WASF1: variants seen among roughly 807,000 people sequenced by gnomAD.
WASF1 encodes the protein actin-binding protein WASF1.
WASF1 carries 7 observed loss-of-function variants against 50.5 expected under a neutral mutation model. The observed-to-expected ratio is 0.14, with a 90% CI of 0.08 to 0.26. The LOEUF is 0.26. Ranked by LOEUF, WASF1 falls within the 10% of genes least tolerant of loss-of-function variation. The pLI is 1.00. For synonymous variants in WASF1, 205 were observed against 244.0 expected (o/e 0.84, Z 1.49); for missense variants, 470 against 694.7 (o/e 0.68, Z 3.64).
At chr6:110,160,767 A>G (rs898349386) in intron 2 of WASF1, 35 bp from the exon 3 acceptor site, 4 of 151,726 alleles carry the variant, frequency 2.6e-5, no homozygotes, top group African/African-American at 9.7e-5. Flanking sequence ...AATATCCAAC[A>G]TTTATTATTC....
rs113273530 is a variant in WASF1 at position 110,148,480 on chromosome 6, A to T, written c.-29+12155T>A. Among the ~76,000 whole-genome samples the T allele has an allele frequency of 3.6e-3, 541 of 152,310 alleles. 4 individuals carry two copies. Among genetic ancestry groups the T allele is most frequent in the African/African-American group, 0.013 (525 of 41,564 alleles). On this transcript the variant is annotated intron_variant, in intron 3 of 10. Coordinates refer to ENST00000392589, the MANE Select transcript of WASF1 (RefSeq NM_003931.3). ...AAAGGATTATTAGCTAAGCTAGCTA[A>T]GCTGGGGAAACTGAAGCTTGTGCGT...
chr6:110,128,968 G>A (rs968935052), intron 3 of WASF1, among the ~76,000 whole-genome samples: 6 of 152,034 alleles, frequency 3.9e-5, no homozygotes, highest in African/African-American at 1.4e-4. Context: ...GTTTCATCGC[G>A]AAACCATCCC....
chr6:110,108,753 A>T, intron 5 of WASF1, 72 bp from the exon 6 acceptor site: 1 of 1,430,868 alleles, frequency 7.0e-7, no homozygotes. Flanking sequence ...AAATTCACAT[A>T]CTTTATTTGT....
At chr6:110,103,761 G>C (rs537587807) in intron 8 of WASF1, among the ~76,000 whole-genome samples, 2 of 152,232 alleles carry the variant, frequency 1.3e-5, no homozygotes, top group South Asian at 4.1e-4. Flanking sequence ...TGTTGATTTA[G>C]AGATCTACTA....
chr6:110,144,711 T>C (rs935569787), intron 3 of WASF1, among the ~76,000 whole-genome samples: 2 of 152,210 alleles, frequency 1.3e-5, no homozygotes, highest in African/African-American at 4.8e-5. Context: ...CACCATTTAT[T>C]AAATAGGGAA....
chr6:110,146,581 A>G (rs1242421921), intron 3 of WASF1, among the ~76,000 whole-genome samples: 2 of 151,984 alleles, frequency 1.3e-5, no homozygotes, highest in Non-Finnish European at 2.9e-5. Context: ...TTTCAATTAT[A>G]CAAAACCACA....
intron 4 of WASF1, among the ~76,000 whole-genome samples, chr6:110,124,268 CTCTCTCTATATATATATA>C (rs1409450484): frequency 8.4e-5 from 5 of 59,236 alleles, no homozygotes; most frequent in African/African-American, 3.8e-4. Flanking sequence ...CTCTCTCTCT[CTCTCTCTATATATATATA>C]TATATATATA....
intron 5 of WASF1, among the ~76,000 whole-genome samples, chr6:110,112,273 A>T (rs1773590781): frequency 6.6e-6 from 1 of 152,046 alleles, no homozygotes; most frequent in African/African-American, 2.4e-5. Context: ...TTTTGAAGAG[A>T]GTGTAAGAAA....
chr6:110,129,701 G>C (rs75646354), intron 3 of WASF1, among the ~76,000 whole-genome samples: 10,409 of 152,196 alleles, frequency 0.068, 466 homozygotes, highest in African/African-American at 0.13. Flanking sequence ...TACACAATGA[G>C]AACTGCTCAA....
At chr6:110,126,610 T>G (rs1481967477) in intron 4 of WASF1, among the ~76,000 whole-genome samples, 1 of 152,206 alleles carries the variant, frequency 6.6e-6, no homozygotes, top group African/African-American at 2.4e-5. Context: ...ATATGGCTGA[T>G]GAGATAAATC....
intron 2 of WASF1, among the ~76,000 whole-genome samples, chr6:110,165,031 G>C (rs1348196953): frequency 1.3e-5 from 2 of 151,572 alleles, no homozygotes; most frequent in African/African-American, 4.8e-5. Context: ...GTTTCCAGGG[G>C]TTAGAAAGGA....
At chr6:110,118,917 A>C (rs1773946571) in intron 4 of WASF1, among the ~76,000 whole-genome samples, 1 of 152,336 alleles carries the variant, frequency 6.6e-6, no homozygotes, top group South Asian at 2.1e-4. Context: ...CTACATGGAA[A>C]CTGAACAACC....
chr6:110,132,836 T>A (rs1420798746), intron 3 of WASF1, among the ~76,000 whole-genome samples: 1 of 151,700 alleles, frequency 6.6e-6, no homozygotes, highest in African/African-American at 2.4e-5. Flanking sequence ...AGTCTCCAAT[T>A]CCATTCAGCT....
At chr6:110,127,181 G>A (rs1369350735) in intron 4 of WASF1, among the ~76,000 whole-genome samples, 1 of 152,062 alleles carries the variant, frequency 6.6e-6, no homozygotes, top group African/African-American at 2.4e-5. Flanking sequence ...GTACAACTCT[G>A]GTCCTTTCGC....
intron 6 of WASF1, 98 bp downstream of exon 6, chr6:110,108,430 G>T: frequency 1.6e-6 from 2 of 1,277,548 alleles, no homozygotes; most frequent in Non-Finnish European, 2.2e-6. Context: ...TCTCTGTGTT[G>T]GCTAGAACCC....
intron 7 of WASF1, among the ~76,000 whole-genome samples, 177 bp from the exon 8 acceptor site, chr6:110,105,756 G>A (rs1773295737): frequency 6.6e-6 from 1 of 152,180 alleles, no homozygotes; most frequent in African/African-American, 2.4e-5. Context: ...TAGCCAGTCT[G>A]CTGTAATCCC....
chr6:110,150,773 C>T (rs980466295), intron 3 of WASF1, among the ~76,000 whole-genome samples: 4 of 152,292 alleles, frequency 2.6e-5, no homozygotes, highest in African/African-American at 9.6e-5. Flanking sequence ...CAGTGGCTCA[C>T]GCCTGTAATC....
rs190612685 is a variant in WASF1 at position 110,134,138 on chromosome 6, G to A, written c.-28-6509C>T. Among the ~76,000 whole-genome samples the A allele has an allele frequency of 3.1e-3, 467 of 151,882 alleles. 6 individuals carry two copies. The highest frequency in any genetic ancestry group is 4.8e-3 in the Non-Finnish European group (328 of 67,956). ...CACTATGTTGGTCAGGCTGGGTCTC[G>A]AACTCCTGACTTCAGGTGATCCACC... On this transcript the variant is annotated intron_variant, in intron 3 of 10. Transcript: ENST00000392589.
intron 2 of WASF1, among the ~76,000 whole-genome samples, chr6:110,161,625 T>G (rs1229277141): frequency 6.6e-6 from 1 of 151,602 alleles, no homozygotes; most frequent in African/African-American, 2.4e-5. Flanking sequence ...TATATGTTGC[T>G]TTCTATAGCT....
Sources: allele counts gnomAD v4.1 joint callset (sites outside exome capture counted in the v4.1 genomes callset), GRCh38; gene constraint gnomAD v4.1.1; transcripts MANE v1.5; gene names NCBI Gene and HGNC (gene_info 2026-07-23, HGNC 2026-07-21).